Variants in ZNF385B observed in about 807,000 individuals in gnomAD.
The protein encoded by ZNF385B is zinc finger protein 385B.
Under a neutral mutation model 39.2 loss-of-function variants are expected in ZNF385B, and 23 were observed. The observed-to-expected ratio is 0.59, with a 90% CI of 0.42 to 0.83. ZNF385B has a LOEUF of 0.83. Among genes scored for constraint, ZNF385B ranks in the 40% least tolerant of loss-of-function variants. ZNF385B has a pLI of 0.00. For synonymous variants in ZNF385B, 205 were observed against 222.6 expected (o/e 0.92, Z 0.70); for missense variants, 552 against 598.9 (o/e 0.92, Z 0.82).
chr2:179,625,998 T>C (rs1484374100), intron 3 of ZNF385B, among the ~76,000 whole-genome samples: 1 of 152,034 alleles, frequency 6.6e-6, no homozygotes, highest in Non-Finnish European at 1.5e-5. Context: ...GATGTATAGA[T>C]CACAAAATGG....
At chr2:179,714,129 T>G (rs1388245648) in intron 3 of ZNF385B, among the ~76,000 whole-genome samples, 1 of 152,152 alleles carries the variant, frequency 6.6e-6, no homozygotes, top group East Asian at 1.9e-4. Flanking sequence ...ACTGAGCTAC[T>G]TAGAAAGTCT....
intron 3 of ZNF385B, among the ~76,000 whole-genome samples, chr2:179,676,433 C>T (rs780453061): frequency 1.3e-5 from 2 of 152,042 alleles, no homozygotes; most frequent in Non-Finnish European, 2.9e-5. Context: ...ACCGTGTTAG[C>T]CAGGATGGTC....
chr2:179,824,589 T>A (rs1229927474), intron 1 of ZNF385B, among the ~76,000 whole-genome samples: 1 of 152,180 alleles, frequency 6.6e-6, no homozygotes, highest in Non-Finnish European at 1.5e-5. Context: ...AAATAAAATT[T>A]ATGAATAATA....
intron 3 of ZNF385B, among the ~76,000 whole-genome samples, chr2:179,617,203 A>G (rs541558031): frequency 3.3e-5 from 5 of 152,282 alleles, no homozygotes; most frequent in Admixed American, 2.6e-4. Flanking sequence ...CAAATAGAAG[A>G]CTTCTGAGTC....
intron 1 of ZNF385B, among the ~76,000 whole-genome samples, chr2:179,845,200 T>G (rs541927137): frequency 6.6e-6 from 1 of 152,284 alleles, no homozygotes; most frequent in East Asian, 1.9e-4. Flanking sequence ...TGACAGCAAA[T>G]TATTCCTACA....
chr2:179,693,747 T>A (rs1366529056), intron 3 of ZNF385B, among the ~76,000 whole-genome samples: 1 of 152,172 alleles, frequency 6.6e-6, no homozygotes, highest in Non-Finnish European at 1.5e-5. Flanking sequence ...AATAACTGCC[T>A]GTCTTGGTAA....
At chr2:179,708,749 T>C (rs1043219050) in intron 3 of ZNF385B, among the ~76,000 whole-genome samples, 2 of 152,166 alleles carry the variant, frequency 1.3e-5, no homozygotes, top group Admixed American at 6.5e-5. Context: ...GCCAGTCCCA[T>C]GGTGAAGAGT....
rs1190939404 is a variant in ZNF385B at position 179,689,809 on chromosome 2, GTGTGTGTGTGTGTGTGTT to G, written c.298+79676_298+79693del. 9.0e-4 allele frequency among the ~76,000 whole-genome samples: 116 copies of G among 129,422 alleles called. 4 individuals are homozygous for G. The highest frequency in any genetic ancestry group is 1.8e-4 in the Non-Finnish European group (11 of 59,738). 84.9% of individuals were successfully genotyped at this position (129,422 alleles called of 152,430 possible). A position where few individuals can be genotyped will look rare whatever the true frequency, so the allele number is the denominator to read the frequency against. On this transcript the variant is annotated intron_variant, in intron 3 of 9. Transcript: ENST00000410066. ...TGTGTGTGTGTGTGTGTGTGTGTGT[GTGTGTGTGTGTGTGTGTT>G]TATTTGTTTTTATCCCAGACTTTGG...
intron 3 of ZNF385B, among the ~76,000 whole-genome samples, chr2:179,545,591 AGACAGGGTGTTGGGG>A (rs1265399841): frequency 6.6e-6 from 1 of 152,188 alleles, no homozygotes; most frequent in Non-Finnish European, 1.5e-5. Flanking sequence ...GCTTGGCTTC[AGACAGGGTGTTGGGG>A]GACAGGTAGT....
At chr2:179,761,756 C>CTTTTTTTTTT (rs1420842226) in intron 3 of ZNF385B, among the ~76,000 whole-genome samples, 55 of 109,558 alleles carry the variant, frequency 5.0e-4, no homozygotes, top group Non-Finnish European at 7.3e-4. Context: ...CATTTTTTTT[C>CTTTTTTTTTT]TTTTCTTTTT....
chr2:179,670,066 C>T (rs990707643), intron 3 of ZNF385B, among the ~76,000 whole-genome samples: 4 of 151,644 alleles, frequency 2.6e-5, no homozygotes, highest in Non-Finnish European at 4.4e-5. Flanking sequence ...CCGAGGCGGG[C>T]GGATCACGAG....
intron 1 of ZNF385B, among the ~76,000 whole-genome samples, chr2:179,785,107 C>A (rs952522286): frequency 2.0e-5 from 3 of 151,974 alleles, no homozygotes; most frequent in Admixed American, 2.0e-4. Flanking sequence ...TAAGCCAGTC[C>A]AGAAGTTTAC....
chr2:179,824,186 C>T (rs770662514), intron 1 of ZNF385B, among the ~76,000 whole-genome samples: 5 of 152,110 alleles, frequency 3.3e-5, no homozygotes, highest in Admixed American at 6.6e-5. Context: ...GTATCTACTC[C>T]AGTTGTGCAT....
intron 3 of ZNF385B, among the ~76,000 whole-genome samples, chr2:179,659,725 G>A (rs990453540): frequency 2.6e-5 from 4 of 151,966 alleles, no homozygotes; most frequent in Non-Finnish European, 5.9e-5. Flanking sequence ...ACATATAGAC[G>A]TCCAAAATAT....
chr2:179,503,000 A>G (rs779983777), intron 5 of ZNF385B, among the ~76,000 whole-genome samples: 8 of 151,992 alleles, frequency 5.3e-5, no homozygotes, highest in Admixed American at 1.3e-4. Flanking sequence ...TCAGCCTACC[A>G]AGTAGCTGGG....
intron 7 of ZNF385B, 113 bp downstream of exon 7, chr2:179,446,412 G>A: frequency 7.1e-7 from 1 of 1,402,952 alleles, no homozygotes; most frequent in Non-Finnish European, 9.5e-7. Flanking sequence ...AATCAAAAAA[G>A]TAGAGAAGCA....
chr2:179,732,668 A>T (rs1701471837), intron 3 of ZNF385B, among the ~76,000 whole-genome samples: 1 of 152,214 alleles, frequency 6.6e-6, no homozygotes. Context: ...ATTCTAACTC[A>T]GCATTAAACT....
chr2:179,684,274 C>A (rs1697757205), intron 3 of ZNF385B, among the ~76,000 whole-genome samples: 1 of 152,172 alleles, frequency 6.6e-6, no homozygotes, highest in African/African-American at 2.4e-5. Flanking sequence ...TATTTGTACT[C>A]AGAGTTTAGC....
intron 4 of ZNF385B, among the ~76,000 whole-genome samples, chr2:179,542,158 T>C (rs1396448651): frequency 6.6e-6 from 1 of 152,148 alleles, no homozygotes; most frequent in African/African-American, 2.4e-5. Flanking sequence ...ATTGGGTGAG[T>C]TGGACACTAG....
Sources: allele counts gnomAD v4.1 joint callset (sites outside exome capture counted in the v4.1 genomes callset), GRCh38; gene constraint gnomAD v4.1.1; transcripts MANE v1.5; gene names NCBI Gene and HGNC (gene_info 2026-07-23, HGNC 2026-07-21).